The following TMEM108 variants were observed in gnomAD, a reference collection of about 807,000 sequenced individuals.
The protein encoded by TMEM108 is cancer/testis antigen 124.
Under a neutral mutation model 35.1 loss-of-function variants are expected in TMEM108, and 12 were observed. The observed-to-expected ratio is 0.34, with a 90% CI of 0.22 to 0.55. TMEM108 has a LOEUF of 0.55. Ranked by LOEUF, TMEM108 falls within the 20% of genes least tolerant of loss-of-function variation. The pLI is 0.89. For synonymous variants in TMEM108, 287 were observed against 308.6 expected, an observed-to-expected ratio of 0.93 and a Z score of 0.73; for missense variants, 680 against 753.3, an observed-to-expected ratio of 0.90 and a Z score of 1.14.
chr3:133,141,124 TACTC>T (rs1213091605), intron 2 of TMEM108, among the ~76,000 whole-genome samples: 1 of 152,206 alleles, frequency 6.6e-6, no homozygotes, highest in East Asian at 1.9e-4. Flanking sequence ...GTAAAGTTAA[TACTC>T]AGGAGATCTT....
chr3:133,059,308 A>T (rs1029961106), intron 2 of TMEM108, among the ~76,000 whole-genome samples: 4 of 152,084 alleles, frequency 2.6e-5, no homozygotes, highest in Non-Finnish European at 5.9e-5. Flanking sequence ...CTTACTTACC[A>T]TTCTTATATA....
intron 2 of TMEM108, among the ~76,000 whole-genome samples, chr3:133,055,349 T>G (rs1943454096): frequency 6.6e-6 from 1 of 152,168 alleles, no homozygotes; most frequent in Admixed American, 6.5e-5. Flanking sequence ...AAAACAAAAT[T>G]ATGTTTGTTC....
intron 3 of TMEM108, among the ~76,000 whole-genome samples, chr3:133,335,744 A>T (rs374107575): frequency 3.9e-5 from 6 of 152,186 alleles, no homozygotes; most frequent in African/African-American, 1.4e-4. Flanking sequence ...AGAACCAAAA[A>T]TAAGATGAGC....
At chr3:133,275,220 C>G (rs1946822587) in intron 3 of TMEM108, among the ~76,000 whole-genome samples, 1 of 151,994 alleles carries the variant, frequency 6.6e-6, no homozygotes. Flanking sequence ...GAGTTTTTTC[C>G]TTAGATACTC....
Position 133,390,304 on chromosome 3 carries a change from C to T in TMEM108, c.1575C>T (p.Pro525=). 6.2e-7 allele frequency: 1 copy of T among 1,614,186 alleles called. No homozygotes were observed. The highest frequency in any genetic ancestry group is 1.1e-5 in the South Asian group (1 of 91,080). Residue 525 remains proline (P), a synonymous_variant, in exon 5 of 6, where the codon CCC becomes CCT. Transcript: ENST00000321871. ...TCAACAGGCATGCTGTGGAGCTGCC[C>T]AGGGAGATCCAGTCCCTTGAAACCT... ...DYFNRHAVEL[P]REIQSLETSE...
intron 2 of TMEM108, among the ~76,000 whole-genome samples, chr3:133,169,679 A>G (rs1246344388): frequency 1.3e-5 from 2 of 152,250 alleles, no homozygotes; most frequent in African/African-American, 4.8e-5. Context: ...TGTGTACCCC[A>G]GTTGAAAATT....
At chr3:133,082,373 C>G (rs1243861809) in intron 2 of TMEM108, among the ~76,000 whole-genome samples, 8 of 152,278 alleles carry the variant, frequency 5.3e-5, no homozygotes, top group African/African-American at 1.4e-4. Context: ...TTGAACTCAC[C>G]CCAGTTTCTT....
intron 2 of TMEM108, among the ~76,000 whole-genome samples, chr3:133,099,935 C>T (rs921878746): frequency 4.6e-5 from 7 of 152,220 alleles, no homozygotes; most frequent in Non-Finnish European, 8.8e-5. Flanking sequence ...GTTCCAAAGT[C>T]GCTTCCACAT....
chr3:133,338,981 T>A (rs2071582988), intron 3 of TMEM108, among the ~76,000 whole-genome samples: 2 of 150,928 alleles, frequency 1.3e-5, no homozygotes, highest in East Asian at 1.9e-4. Context: ...AAGCAAGAAA[T>A]TAAATAATAA....
chr3:133,365,176 A>G (rs2072469339), intron 3 of TMEM108, among the ~76,000 whole-genome samples: 1 of 152,162 alleles, frequency 6.6e-6, no homozygotes. Context: ...TGAGAACCTC[A>G]TTGTTGTGGG....
chr3:133,100,347 C>G (rs940191655), intron 2 of TMEM108, among the ~76,000 whole-genome samples: 2 of 152,214 alleles, frequency 1.3e-5, no homozygotes, highest in African/African-American at 4.8e-5. Flanking sequence ...TGCCTATAAT[C>G]CCAGCATTTT....
At chr3:133,177,821 G>C (rs1052643720) in intron 2 of TMEM108, among the ~76,000 whole-genome samples, 2 of 151,996 alleles carry the variant, frequency 1.3e-5, no homozygotes, top group Non-Finnish European at 2.9e-5. Context: ...AGGGCAATTA[G>C]GCAGGAGAAG....
At position 133,291,509 on chromosome 3, in the gene TMEM108, C is replaced by T. The variant is rs566780197; in HGVS notation, c.40+62158C>T. On this transcript the variant is annotated intron_variant, in intron 3 of 5. Transcript: ENST00000321871. Reference sequence around the variant, plus strand: ...TCCAGGCTGGTCTCAAACTCCTGGGCTCAAATGATCCTCCCACCTGGGGCT... The same window carrying T: ...TCCAGGCTGGTCTCAAACTCCTGGGTTCAAATGATCCTCCCACCTGGGGCT... 1.8e-4 allele frequency among the ~76,000 whole-genome samples: 27 copies of T among 152,168 alleles called. No homozygotes were observed. The South Asian group carries it at 5.4e-3, about 30-fold the overall frequency.
intron 3 of TMEM108, among the ~76,000 whole-genome samples, chr3:133,339,176 T>TAA: frequency 6.8e-6 from 1 of 147,076 alleles, no homozygotes; most frequent in South Asian, 2.2e-4. Context: ...CTGAGTGGAT[T>TAA]AAAAAAAAAA....
At chr3:133,167,288 A>C (rs533568672) in intron 2 of TMEM108, among the ~76,000 whole-genome samples, 9 of 152,374 alleles carry the variant, frequency 5.9e-5, no homozygotes, top group Admixed American at 5.9e-4. Flanking sequence ...CCAGCTAGAC[A>C]TAAAAGTTCT....
intron 2 of TMEM108, among the ~76,000 whole-genome samples, chr3:133,103,659 A>G (rs955215257): frequency 6.6e-6 from 1 of 152,186 alleles, no homozygotes; most frequent in Non-Finnish European, 1.5e-5. Context: ...GTGTTCTTCC[A>G]TAAACACCCC....
intron 3 of TMEM108, among the ~76,000 whole-genome samples, chr3:133,241,167 G>A (rs1043169803): frequency 2.0e-5 from 3 of 152,140 alleles, no homozygotes; most frequent in Non-Finnish European, 4.4e-5. Context: ...GTTTCATATT[G>A]TCTTTGTAAT....
intron 2 of TMEM108, among the ~76,000 whole-genome samples, chr3:133,206,229 G>A (rs1025077907): frequency 6.6e-6 from 1 of 152,112 alleles, no homozygotes; most frequent in Non-Finnish European, 1.5e-5. Flanking sequence ...TAGCTTCCTT[G>A]CATTGGGTTA....
At chr3:133,104,383 C>G (rs1217195715) in intron 2 of TMEM108, among the ~76,000 whole-genome samples, 1 of 152,202 alleles carries the variant, frequency 6.6e-6, no homozygotes, top group Non-Finnish European at 1.5e-5. Context: ...TTTCTCACCT[C>G]TTGAATTTCC....
Sources: allele counts gnomAD v4.1 joint callset (sites outside exome capture counted in the v4.1 genomes callset), GRCh38; gene constraint gnomAD v4.1.1; transcripts MANE v1.5; gene names NCBI Gene and HGNC (gene_info 2026-07-23, HGNC 2026-07-21).